Variants in CHRM5 observed in about 807,000 individuals in gnomAD.
CHRM5 encodes the protein muscarinic acetylcholine receptor M5.
CHRM5 carries 18 observed loss-of-function variants against 39.0 expected under a neutral mutation model. The observed-to-expected ratio is 0.46, with a 90% CI of 0.32 to 0.68. The LOEUF is 0.68. Among genes scored for constraint, CHRM5 ranks in the 30% least tolerant of loss-of-function variants. The pLI is 0.04. For missense variants in CHRM5, 515 were observed against 651.1 expected, an observed-to-expected ratio of 0.79 and a Z score of 2.28; for synonymous variants, 241 against 246.3, an observed-to-expected ratio of 0.98 and a Z score of 0.20.
chr15:33,977,217 A>G (rs548005718), intron 1 of CHRM5, among the ~76,000 whole-genome samples: 2 of 152,322 alleles, frequency 1.3e-5, no homozygotes, highest in South Asian at 4.1e-4. Flanking sequence ...AAAAAGCTGG[A>G]GTTCTTACAT....
Position 34,063,583 on chromosome 15 carries a change from G to T in CHRM5, c.866G>T (p.Gly289Val), listed in dbSNP as rs778959312. Residue 289 changes from glycine (G) to valine (V), a missense_variant, in exon 3 of 3, where the codon GGC becomes GTC. Transcript: ENST00000383263. This position sits in a 1 kb window ranked among gnomAD's most constrained non-coding sequence, Gnocchi z 4.1. ...ACTGGGAAGCCATCCCAAGCCACTG[G>T]CCCAAGCGCCAATTGGGCCAAAGCT... ...STTGKPSQAT[G>V]PSANWAKAEQ... The T allele has an allele frequency of 1.2e-6, 2 of 1,613,686 alleles. No individual in the cohort carries two copies. The highest frequency in any genetic ancestry group is 8.5e-7 in the Non-Finnish European group (1 of 1,180,014).
chr15:34,013,861 T>C (rs1897745931), intron 1 of CHRM5, among the ~76,000 whole-genome samples: 1 of 152,162 alleles, frequency 6.6e-6, no homozygotes. Context: ...GAAACAGTTC[T>C]GCTCTAGATG....
At chr15:34,036,109 T>G (rs1285570581) in intron 1 of CHRM5, among the ~76,000 whole-genome samples, 1 of 151,948 alleles carries the variant, frequency 6.6e-6, no homozygotes, top group East Asian at 1.9e-4. Flanking sequence ...TTTGTGTTTT[T>G]TTTTTAAAGT....
intron 1 of CHRM5, among the ~76,000 whole-genome samples, chr15:34,030,962 T>C (rs1381503670): frequency 6.6e-6 from 1 of 152,132 alleles, no homozygotes; most frequent in East Asian, 1.9e-4. Flanking sequence ...GAATGGTCTT[T>C]TCAAGCCAGA....
chr15:34,038,255 AG>A (rs915757365), intron 1 of CHRM5, among the ~76,000 whole-genome samples: 2 of 152,206 alleles, frequency 1.3e-5, no homozygotes, highest in African/African-American at 4.8e-5. Flanking sequence ...GTCCAGTCGT[AG>A]GGGTCATTCT....
At chr15:34,030,369 G>A (rs547711498) in intron 1 of CHRM5, among the ~76,000 whole-genome samples, 49 of 152,186 alleles carry the variant, frequency 3.2e-4, no homozygotes, top group African/African-American at 1.0e-3. Flanking sequence ...TGTTTGAGAC[G>A]GAGTCTTGCT....
At chr15:34,004,971 TAAAAA>T (rs1040589941) in intron 1 of CHRM5, among the ~76,000 whole-genome samples, 1 of 146,356 alleles carries the variant, frequency 6.8e-6, no homozygotes, top group African/African-American at 2.4e-5. Flanking sequence ...AGTGTGGACT[TAAAAA>T]AAATAATGAG....
chr15:33,992,233 C>A (rs1377980284), intron 1 of CHRM5, among the ~76,000 whole-genome samples: 1 of 152,136 alleles, frequency 6.6e-6, no homozygotes, highest in Non-Finnish European at 1.5e-5. Context: ...TAAAAAAATA[C>A]AAAACAGTTA....
At chr15:34,054,008 G>T (rs1236140650) in intron 2 of CHRM5, among the ~76,000 whole-genome samples, 3 of 151,872 alleles carry the variant, frequency 2.0e-5, no homozygotes, top group Non-Finnish European at 4.4e-5. Flanking sequence ...TCAAAAAGTG[G>T]GCAAAGAACC....
chr15:34,013,693 A>G (rs1228665914), intron 1 of CHRM5, among the ~76,000 whole-genome samples: 1 of 152,220 alleles, frequency 6.6e-6, no homozygotes, highest in Non-Finnish European at 1.5e-5. Context: ...GCTACTATAA[A>G]ACATTCACAA....
intron 1 of CHRM5, among the ~76,000 whole-genome samples, chr15:34,044,154 T>C (rs919134897): frequency 5.3e-5 from 8 of 152,106 alleles, no homozygotes; most frequent in African/African-American, 4.8e-5. Context: ...ATCATTTCTC[T>C]ACTCCTTTTT....
chr15:34,050,764 A>G (rs764741113), intron 2 of CHRM5, among the ~76,000 whole-genome samples: 5 of 152,252 alleles, frequency 3.3e-5, no homozygotes, highest in Non-Finnish European at 7.3e-5. Flanking sequence ...AGGGCATTAC[A>G]TAATGGTAAA....
At chr15:34,059,429 G>A (rs945560867) in intron 2 of CHRM5, among the ~76,000 whole-genome samples, 1 of 152,060 alleles carries the variant, frequency 6.6e-6, no homozygotes, top group Non-Finnish European at 1.5e-5. Flanking sequence ...ACTTCTCTCC[G>A]GACTAATGCT....
chr15:33,985,802 T>C (rs1223657348), intron 1 of CHRM5, among the ~76,000 whole-genome samples: 1 of 152,152 alleles, frequency 6.6e-6, no homozygotes, highest in African/African-American at 2.4e-5. Flanking sequence ...ACTTAATCTT[T>C]TTAAGCTTCA....
chr15:34,024,369 G>T (rs998514721), intron 1 of CHRM5, among the ~76,000 whole-genome samples: 1 of 151,812 alleles, frequency 6.6e-6, no homozygotes, highest in Non-Finnish European at 1.5e-5. Flanking sequence ...ACCTCTGAAG[G>T]CTGGGCGTGG....
At chr15:33,984,113 A>C (rs1490388844) in intron 1 of CHRM5, among the ~76,000 whole-genome samples, 1 of 152,102 alleles carries the variant, frequency 6.6e-6, no homozygotes, top group Non-Finnish European at 1.5e-5. Flanking sequence ...TCAGTGGAAA[A>C]AATTGGAGAA....
At chr15:33,986,681 G>C (rs1049433856) in intron 1 of CHRM5, among the ~76,000 whole-genome samples, 1 of 152,004 alleles carries the variant, frequency 6.6e-6, no homozygotes, top group African/African-American at 2.4e-5. Context: ...TTTTGAGACA[G>C]AGTCTCACTC....
intron 1 of CHRM5, among the ~76,000 whole-genome samples, chr15:34,036,455 C>T (rs374815566): frequency 1.7e-4 from 26 of 152,006 alleles, no homozygotes; most frequent in Middle Eastern, 3.4e-3. Context: ...TTGATCATTT[C>T]GGTTACTCTC....
intron 1 of CHRM5, chr15:34,039,271 C>T (rs565493110): frequency 5.4e-6 from 1 of 184,752 alleles, no homozygotes. Context: ...GCGGGAAGGC[C>T]GGACCGCTGG....
Sources: allele counts gnomAD v4.1 joint callset (sites outside exome capture counted in the v4.1 genomes callset), GRCh38; gene constraint gnomAD v4.1.1; non-coding constraint Gnocchi (gnomAD v3.1); transcripts MANE v1.5; gene names NCBI Gene and HGNC (gene_info 2026-07-23, HGNC 2026-07-21).